The following PREX1 variants were observed in gnomAD, a reference collection of about 807,000 sequenced individuals.
PREX1 encodes the protein phosphatidylinositol-3,4,5-trisphosphate dependent Rac exchange factor 1.
Under a neutral mutation model 198.3 loss-of-function variants are expected in PREX1, and 41 were observed. That is an observed-to-expected ratio of 0.21 (90% CI 0.16 to 0.27). PREX1 has a LOEUF of 0.27. PREX1 is among the 10% of genes least tolerant of loss of function. The pLI is 1.00. For missense variants in PREX1, 1,620 were observed against 2,200.7 expected, an observed-to-expected ratio of 0.74 and a Z score of 5.28; for synonymous variants, 843 against 887.2, an observed-to-expected ratio of 0.95 and a Z score of 0.89.
intron 23 of PREX1, 49 bp from the exon 24 acceptor site, chr20:48,650,255 A>C (rs1168995893): frequency 6.5e-7 from 1 of 1,545,734 alleles, no homozygotes; most frequent in Admixed American, 1.7e-5. Context: ...CAGGGTCTGG[A>C]AATATTGGCC....
chr20:48,726,276 C>CG lies in PREX1; in HGVS notation c.621+13dup. On this transcript the variant is annotated intron_variant, in intron 5 of 39. Transcript: ENST00000371941. The stretch of plus-strand genomic sequence containing the variant: ...AAAGAGTTTTCTGTCACTTCAAATA[C>CG]GGGAAAGTCTCACCTTAAGGAGGAG... 1.2e-6 allele frequency: 2 copies of CG among 1,603,130 alleles called. No homozygotes were observed. The highest frequency in any genetic ancestry group is 1.7e-6 in the Non-Finnish European group (2 of 1,171,052).
intron 3 of PREX1, among the ~76,000 whole-genome samples, chr20:48,736,289 C>G (rs1447389819): frequency 6.6e-6 from 1 of 152,100 alleles, no homozygotes; most frequent in African/African-American, 2.4e-5. Context: ...CAGTGCACCC[C>G]CATACACACA....
chr20:48,761,919 G>A (rs2090182262), intron 1 of PREX1, among the ~76,000 whole-genome samples: 2 of 152,076 alleles, frequency 1.3e-5, no homozygotes, highest in South Asian at 4.1e-4. Context: ...CTGACACATG[G>A]GTCTCAAATG....
At chr20:48,840,399 C>T in the PREX1 span, among the ~76,000 whole-genome samples, 14 of 150,832 alleles carry the variant, frequency 9.3e-5, no homozygotes, top group East Asian at 1.9e-3. Context: ...TAGTGCTAGA[C>T]ACTGTTGCTC....
chr20:48,776,994 C>T (rs540292833), intron 1 of PREX1, among the ~76,000 whole-genome samples: 10 of 152,126 alleles, frequency 6.6e-5, no homozygotes, highest in Non-Finnish European at 1.2e-4. Flanking sequence ...GCGAAAGGTC[C>T]GAGGGGTTTC....
At chr20:48,765,267 C>A (rs1468836126) in intron 1 of PREX1, among the ~76,000 whole-genome samples, 1 of 152,182 alleles carries the variant, frequency 6.6e-6, no homozygotes, top group Non-Finnish European at 1.5e-5. Flanking sequence ...AAAATGCTTT[C>A]TTTCCCCACC....
intron 3 of PREX1, among the ~76,000 whole-genome samples, chr20:48,741,151 A>T (rs1661518351): frequency 6.6e-6 from 1 of 152,154 alleles, no homozygotes; most frequent in Non-Finnish European, 1.5e-5. Flanking sequence ...AACAAATAAT[A>T]ATACAAAGAA....
At chr20:48,740,810 T>C (rs1001929839) in intron 3 of PREX1, among the ~76,000 whole-genome samples, 2 of 152,246 alleles carry the variant, frequency 1.3e-5, no homozygotes, top group African/African-American at 4.8e-5. Context: ...AAGGAGGGTC[T>C]TAGCTGGTGT....
chr20:48,746,215 G>A (rs1032736392), intron 2 of PREX1, among the ~76,000 whole-genome samples: 2 of 152,022 alleles, frequency 1.3e-5, no homozygotes. Context: ...TAGAGACAGG[G>A]TTTCACCGTG....
chr20:48,646,512 C>T (rs969887985), intron 25 of PREX1, among the ~76,000 whole-genome samples: 3 of 151,942 alleles, frequency 2.0e-5, no homozygotes, highest in Non-Finnish European at 4.4e-5. Context: ...GCCAACATGG[C>T]GAAACCCTGT....
chr20:48,724,963 G>A (rs2090003112), intron 5 of PREX1, among the ~76,000 whole-genome samples: 1 of 152,238 alleles, frequency 6.6e-6, no homozygotes, highest in African/African-American at 2.4e-5. Flanking sequence ...TTTCGAGATT[G>A]CTGGGAGAGA....
At chr20:48,698,641 G>A (rs1024741183) in intron 7 of PREX1, among the ~76,000 whole-genome samples, 2 of 152,200 alleles carry the variant, frequency 1.3e-5, no homozygotes, top group Non-Finnish European at 2.9e-5. Context: ...GCCAGCCACT[G>A]GGAGATAGCG....
At chr20:48,689,905 A>G (rs1157907290) in intron 9 of PREX1, among the ~76,000 whole-genome samples, 1 of 152,206 alleles carries the variant, frequency 6.6e-6, no homozygotes, top group African/African-American at 2.4e-5. Flanking sequence ...GGAAGTAGGG[A>G]GAAGAGAGGA....
chr20:48,721,514 C>T (rs1259223155), intron 5 of PREX1, among the ~76,000 whole-genome samples: 1 of 152,206 alleles, frequency 6.6e-6, no homozygotes, highest in Non-Finnish European at 1.5e-5. Flanking sequence ...AGGCAGAAAC[C>T]TGCTTGTTGT....
Position 48,650,941 on chromosome 20 carries a change from C to A in PREX1, c.2770G>T (p.Asp924Tyr). The A allele has an allele frequency of 6.2e-7, 1 of 1,614,180 alleles. No homozygotes were observed. The highest frequency in any genetic ancestry group is 8.5e-7 in the Non-Finnish European group (1 of 1,180,044). Residue 924 changes from aspartate (D) to tyrosine (Y), a missense_variant, in exon 23 of 40, where the codon GAC becomes TAC. By Grantham distance (160) the Asp-to-Tyr change is radical (BLOSUM62 -3). Coordinates refer to ENST00000371941, the MANE Select transcript of PREX1 (RefSeq NM_020820.4). ...TGGCCAATGCTCTCCAGCTTGGTGT[C>A]ACAGATGTTGCGGAACTCAAAGTGG... ...MPHFEFRNIC[D>Y]TKLESIGQRI...
intron 1 of PREX1, among the ~76,000 whole-genome samples, chr20:48,815,155 A>C (rs983258051): frequency 3.9e-5 from 6 of 152,248 alleles, no homozygotes; most frequent in African/African-American, 1.4e-4. Context: ...GACAGAACTC[A>C]AAGGAGAAAA....
chr20:48,762,834 C>G (rs1462775657), intron 1 of PREX1, among the ~76,000 whole-genome samples: 1 of 152,070 alleles, frequency 6.6e-6, no homozygotes, highest in East Asian at 1.9e-4. Context: ...TCCCAAGTAG[C>G]TGGGATTACA....
chr20:48,659,295 A>C (rs981159456), intron 16 of PREX1, among the ~76,000 whole-genome samples: 1 of 144,960 alleles, frequency 6.9e-6, no homozygotes, highest in Non-Finnish European at 1.5e-5. Context: ...AGAAGAAAAG[A>C]AAACAAGAAA....
intron 29 of PREX1, among the ~76,000 whole-genome samples, chr20:48,641,469 G>A (rs1295151997): frequency 6.6e-6 from 1 of 151,816 alleles, no homozygotes; most frequent in Non-Finnish European, 1.5e-5. Flanking sequence ...TCAATAATAA[G>A]AAAAAAATGA....
Sources: allele counts gnomAD v4.1 joint callset (sites outside exome capture counted in the v4.1 genomes callset), GRCh38; gene constraint gnomAD v4.1.1; transcripts MANE v1.5; gene names NCBI Gene and HGNC (gene_info 2026-07-23, HGNC 2026-07-21).